The following SGCZ variants were observed in gnomAD, a reference collection of about 807,000 sequenced individuals.
SGCZ encodes sarcoglycan zeta, also known as zeta-sarcoglycan.
Under a neutral mutation model 41.3 loss-of-function variants are expected in SGCZ, and 40 were observed. The ratio of observed to expected loss-of-function variants is 0.97; its 90% CI spans 0.75 to 1.26. The LOEUF (loss-of-function observed/expected upper bound fraction) is 1.26. Ranked by LOEUF, SGCZ falls within the 50% of genes most tolerant of loss-of-function variation. SGCZ has a pLI of 0.00. For missense variants in SGCZ, 552 were observed against 369.8 expected (o/e 1.49, Z -4.04); for synonymous variants, 206 against 137.5 (o/e 1.50, Z -3.49).
At chr8:14,831,565 T>G (rs928988545) in intron 1 of SGCZ, among the ~76,000 whole-genome samples, 3 of 152,010 alleles carry the variant, frequency 2.0e-5, no homozygotes, top group Non-Finnish European at 4.4e-5. Flanking sequence ...TTCAACTTCA[T>G]TAAGTTTCTC....
At chr8:14,361,161 T>C (rs567064372) in intron 2 of SGCZ, among the ~76,000 whole-genome samples, 1 of 152,322 alleles carries the variant, frequency 6.6e-6, no homozygotes, top group East Asian at 1.9e-4. Flanking sequence ...GTTTTGAACA[T>C]TCTTTACATA....
chr8:14,800,218 C>A (rs1202379910), intron 1 of SGCZ, among the ~76,000 whole-genome samples: 1 of 152,038 alleles, frequency 6.6e-6, no homozygotes, highest in Non-Finnish European at 1.5e-5. Context: ...GATCCTAACA[C>A]ATGTGTTTAG....
At chr8:14,619,882 T>C (rs1256236670) in intron 1 of SGCZ, among the ~76,000 whole-genome samples, 1 of 152,130 alleles carries the variant, frequency 6.6e-6, no homozygotes, top group Admixed American at 6.5e-5. Context: ...AATTTATAGA[T>C]TCAATGCCAT....
intron 5 of SGCZ, among the ~76,000 whole-genome samples, chr8:14,151,922 T>A (rs1194102718): frequency 1.4e-5 from 2 of 141,194 alleles, no homozygotes; most frequent in African/African-American, 4.9e-5. Context: ...ACTCACATTT[T>A]GTACAAAAAT....
At position 14,145,675 on chromosome 8, in the gene SGCZ, G is replaced by A. The variant is rs534652830; in HGVS notation, c.547+18905C>T. On this transcript the variant is annotated intron_variant, in intron 5 of 7. Coordinates refer to ENST00000382080, the MANE Select transcript of SGCZ (RefSeq NM_139167.4). The stretch of plus-strand genomic sequence containing the variant: ...TAGACAGAGAATTTAAAATAGCTAT[G>A]TTGAGAAAATTCAAAGAAATTCAAG... 1.8e-4 allele frequency among the ~76,000 whole-genome samples: 27 copies of A among 152,304 alleles called. 1 individual carries two copies. In the South Asian group the frequency reaches 5.4e-3, roughly 30 times the overall value.
At chr8:14,188,846 T>G (rs1378431950) in intron 4 of SGCZ, among the ~76,000 whole-genome samples, 4 of 148,430 alleles carry the variant, frequency 2.7e-5, no homozygotes, top group Non-Finnish European at 5.9e-5. Context: ...TTGTTTGTTT[T>G]TTGAGATGGA....
Position 14,655,002 on chromosome 8 carries a change from T to C in SGCZ, c.40-100076A>G, listed in dbSNP as rs570648713. ...TTAATGCCACAGCCATGTTAGACAT[T>C]AGGTGTATATTTCAGGAAATATTAC... On this transcript the variant is annotated intron_variant, in intron 1 of 7. Transcript: ENST00000382080. Among the ~76,000 whole-genome samples, 229 of 152,162 alleles carry C rather than the reference T, an allele frequency of 1.5e-3. 4 individuals carry two copies. Among genetic ancestry groups the C allele is most frequent in the Admixed American group, 0.011 (173 of 15,260 alleles).
intron 1 of SGCZ, among the ~76,000 whole-genome samples, chr8:14,862,878 G>C (rs1281792976): frequency 6.6e-6 from 1 of 151,786 alleles, no homozygotes; most frequent in African/African-American, 2.4e-5. Context: ...AGCCACTAGA[G>C]GAAATTCAAA....
At chr8:14,329,487 C>A (rs1802238668) in intron 2 of SGCZ, among the ~76,000 whole-genome samples, 1 of 152,070 alleles carries the variant, frequency 6.6e-6, no homozygotes, top group African/African-American at 2.4e-5. Flanking sequence ...TCTTCTTTTT[C>A]ATTTCCAATG....
intron 2 of SGCZ, among the ~76,000 whole-genome samples, chr8:14,467,409 T>A (rs992856541): frequency 6.6e-6 from 1 of 151,968 alleles, no homozygotes; most frequent in Non-Finnish European, 1.5e-5. Context: ...TCAGAAGCAA[T>A]AATCACCAAT....
At chr8:15,193,998 A>G (rs1030901987) in intron 1 of SGCZ, among the ~76,000 whole-genome samples, 1 of 152,190 alleles carries the variant, frequency 6.6e-6, no homozygotes, top group Non-Finnish European at 1.5e-5. Context: ...CTCTATAACT[A>G]GCCAGTGTAA....
intron 1 of SGCZ, among the ~76,000 whole-genome samples, chr8:14,567,207 G>A (rs1365062707): frequency 1.3e-5 from 2 of 152,202 alleles, no homozygotes; most frequent in Non-Finnish European, 2.9e-5. Context: ...GATCGCCCAA[G>A]GGCTGAGGAG....
intron 3 of SGCZ, among the ~76,000 whole-genome samples, chr8:14,306,301 T>C (rs1801351755): frequency 6.6e-6 from 1 of 152,240 alleles, no homozygotes; most frequent in Non-Finnish European, 1.5e-5. Flanking sequence ...TAGTATTTTA[T>C]ATATTTCCTG....
chr8:14,201,991 A>T (rs186078501), intron 4 of SGCZ, among the ~76,000 whole-genome samples: 20 of 152,330 alleles, frequency 1.3e-4, no homozygotes, highest in Admixed American at 1.2e-3. Flanking sequence ...ATGCAGAATA[A>T]TGAAACCCCT....
At chr8:15,165,662 G>T (rs568913981) in intron 1 of SGCZ, among the ~76,000 whole-genome samples, 12 of 152,224 alleles carry the variant, frequency 7.9e-5, no homozygotes, top group African/African-American at 2.2e-4. Flanking sequence ...ATATTTACAC[G>T]CAAGGTGTAT....
intron 1 of SGCZ, among the ~76,000 whole-genome samples, chr8:14,887,691 T>A (rs998343803): frequency 1.3e-5 from 2 of 152,140 alleles, no homozygotes; most frequent in Non-Finnish European, 1.5e-5. Flanking sequence ...ACATAGCAGC[T>A]GTAGCAATAT....
rs775340470 is a variant in SGCZ at position 14,838,473 on chromosome 8, C to T, written c.40-283547G>A. Among the ~76,000 whole-genome samples the T allele has an allele frequency of 2.9e-4, 44 of 152,060 alleles. 1 individual carries two copies. Among genetic ancestry groups the T allele is most frequent in the Non-Finnish European group, 1.8e-4 (12 of 68,012 alleles). ...TCATGTACCCCAGAAGACAATATTCCTCTGCCTTCATCATCCCAGGAGCAG... is the reference window on the plus strand; with the variant it reads ...TCATGTACCCCAGAAGACAATATTCTTCTGCCTTCATCATCCCAGGAGCAG... On this transcript the variant is annotated intron_variant, in intron 1 of 7. Coordinates refer to ENST00000382080, the MANE Select transcript of SGCZ (RefSeq NM_139167.4).
intron 2 of SGCZ, among the ~76,000 whole-genome samples, chr8:14,337,339 TAGA>T (rs1437235301): frequency 6.6e-6 from 1 of 152,104 alleles, no homozygotes; most frequent in Non-Finnish European, 1.5e-5. Context: ...ATTATCTATT[TAGA>T]AGGAGTGACA....
intron 4 of SGCZ, among the ~76,000 whole-genome samples, chr8:14,186,636 C>G (rs1286655610): frequency 6.6e-6 from 1 of 152,162 alleles, no homozygotes; most frequent in Non-Finnish European, 1.5e-5. Context: ...CTTTCGGATA[C>G]ACAGCTATAG....
Sources: allele counts gnomAD v4.1 joint callset (sites outside exome capture counted in the v4.1 genomes callset), GRCh38; gene constraint gnomAD v4.1.1; transcripts MANE v1.5; gene names NCBI Gene and HGNC (gene_info 2026-07-23, HGNC 2026-07-21).